The following USP28 variants were observed in gnomAD, a reference collection of about 807,000 sequenced individuals.
The protein encoded by USP28 is ubiquitin carboxyl-terminal hydrolase 28.
In USP28, 113 loss-of-function variants were observed where a neutral mutation model predicts 145.0. The observed-to-expected ratio is 0.78, with a 90% CI of 0.67 to 0.91. USP28 has a LOEUF of 0.91. Among genes scored for constraint, USP28 ranks in the 40% least tolerant of loss-of-function variants. The pLI is 0.00. For missense variants in USP28, 1,201 were observed against 1,289.6 expected (o/e 0.93, Z 1.05); for synonymous variants, 447 against 450.9 (o/e 0.99, Z 0.11).
chr11:113,798,943 G>A (rs550479550), exon 25 of USP28: 1 of 195,974 alleles, frequency 5.1e-6, no homozygotes, highest in Admixed American at 6.0e-5. Context: ...AAAGTGGCAA[G>A]AGGCTTAGAA....
chr11:113,846,065 G>A (rs1402935646), intron 3 of USP28, among the ~76,000 whole-genome samples: 3 of 152,194 alleles, frequency 2.0e-5, no homozygotes, highest in Non-Finnish European at 4.4e-5. Context: ...CATGAAGTCT[G>A]AAGACATTGG....
intron 3 of USP28, among the ~76,000 whole-genome samples, chr11:113,850,927 A>G (rs886238135): frequency 3.3e-5 from 5 of 152,172 alleles, no homozygotes; most frequent in African/African-American, 1.2e-4. Context: ...GGCATTTCAA[A>G]TTTAGTATTC....
rs753199949 is a variant in USP28 at position 113,840,761 on chromosome 11, T to TCTCTTCC, written c.375-5_375-4insGGAAGAG. 2.6e-4 allele frequency: 420 copies of TCTCTTCC among 1,613,254 alleles called. No homozygotes were observed. In the African/African-American group the frequency reaches 5.1e-3, roughly 19 times the overall value. ...TGCAGAGGTTGCTTCATGCATCCTA[T>TCTCTTCC]ATTGTGCAGCGTGCCACACAGCAAA... On this transcript the variant is annotated splice_polypyrimidine_tract_variant and splice_region_variant and intron_variant, in intron 4 of 24. Coordinates refer to ENST00000003302, the Ensembl canonical transcript of USP28.
chr11:113,841,397 T>C (rs1330746176), intron 4 of USP28, among the ~76,000 whole-genome samples: 2 of 152,254 alleles, frequency 1.3e-5, no homozygotes, highest in African/African-American at 4.8e-5. Flanking sequence ...ATACCTGGAC[T>C]AGGTTGTTTT....
chr11:113,804,807 A>G, intron 20 of USP28, 56 bp from the exon 22 acceptor site: 2 of 1,611,602 alleles, frequency 1.2e-6, no homozygotes, highest in Non-Finnish European at 1.7e-6. Context: ...AACTTCCCCA[A>G]CAGAGGAGTC....
intron 1 of USP28, chr11:113,874,908 G>C (rs1949220777): frequency 2.7e-5 from 27 of 1,001,192 alleles, no homozygotes; most frequent in Non-Finnish European, 3.2e-5. Flanking sequence ...TAATTGGGGA[G>C]GCTGCGCTGT....
exon 5 of USP28, chr11:113,840,675 C>T (rs1482250792): frequency 6.2e-7 from 1 of 1,614,220 alleles, no homozygotes; most frequent in Non-Finnish European, 8.5e-7. Context: ...CTCCTCCAGT[C>T]ATTGGGATTG....
intron 12 of USP28, among the ~76,000 whole-genome samples, chr11:113,823,255 A>C (rs1397247138): frequency 6.6e-6 from 1 of 152,244 alleles, no homozygotes; most frequent in Non-Finnish European, 1.5e-5. Flanking sequence ...CTGCTTTTCC[A>C]AAAGTGGACG....
At chr11:113,856,142 T>C (rs771078453) in intron 1 of USP28, among the ~76,000 whole-genome samples, 2 of 152,226 alleles carry the variant, frequency 1.3e-5, no homozygotes, top group African/African-American at 4.8e-5. Context: ...ATGTAATTTT[T>C]AGAAAAATTA....
rs759439077 is a variant in USP28, at chr11:113,834,291, A to G, written c.579T>C (p.Tyr193=). 9.9e-6 allele frequency: 16 copies of G among 1,612,482 alleles called. No individual in the cohort carries two copies. In the South Asian group the frequency reaches 1.5e-4, roughly 16 times the overall value. Residue 193 remains tyrosine, a synonymous_variant, in exon 6 of 25, where the codon TAT becomes TAC. Coordinates refer to ENST00000003302, the Ensembl canonical transcript of USP28. Reference sequence around the variant, plus strand: ...TTTCAAGTACATTTTGTGGCAGACTATAACTGAGAACAAGTCTTCGAAATT... The same window carrying G: ...TTTCAAGTACATTTTGTGGCAGACTGTAACTGAGAACAAGTCTTCGAAATT...
At chr11:113,856,282 G>A (rs1451634545) in intron 1 of USP28, among the ~76,000 whole-genome samples, 1 of 152,068 alleles carries the variant, frequency 6.6e-6, no homozygotes, top group Non-Finnish European at 1.5e-5. Context: ...CCAAAAAAGG[G>A]TGGAATAATC....
rs748616819 is a variant in USP28 at position 113,831,996 on chromosome 11, A to G, written c.760-3T>C. On this transcript the variant is annotated splice_region_variant and splice_polypyrimidine_tract_variant and intron_variant, in intron 7 of 24. Coordinates refer to ENST00000003302, the Ensembl canonical transcript of USP28. ...TGTGTGAATTCACTCACATCTTGCTATAAGAGAGGCACAAATTGCATAAAA... is the reference window on the plus strand; with the variant it reads ...TGTGTGAATTCACTCACATCTTGCTGTAAGAGAGGCACAAATTGCATAAAA... 17 of 1,611,806 alleles carry G rather than the reference A, an allele frequency of 1.1e-5. No individual in the cohort carries two copies. Among genetic ancestry groups the G allele is most frequent in the East Asian group, 2.2e-5 (1 of 44,894 alleles).
chr11:113,858,231 CCAA>C (rs1374284798), intron 1 of USP28, among the ~76,000 whole-genome samples: 4 of 152,110 alleles, frequency 2.6e-5, no homozygotes, highest in African/African-American at 9.7e-5. Flanking sequence ...TTGTATAGCT[CCAA>C]CAACAATGTT....
intron 13 of USP28, among the ~76,000 whole-genome samples, chr11:113,816,519 C>A (rs1256842021): frequency 6.6e-6 from 1 of 151,654 alleles, no homozygotes; most frequent in Non-Finnish European, 1.5e-5. Flanking sequence ...CTCAAAAAAA[C>A]AAACAAACAA....
intron 1 of USP28, among the ~76,000 whole-genome samples, chr11:113,862,029 C>T (rs765635922): frequency 1.3e-5 from 2 of 152,138 alleles, no homozygotes; most frequent in African/African-American, 4.8e-5. Context: ...GCTGGGTCTT[C>T]GTGTGTAGTT....
At chr11:113,804,833 A>G in intron 20 of USP28, 35 bp downstream of exon 21, 3 of 1,611,654 alleles carry the variant, frequency 1.9e-6, no homozygotes, top group Non-Finnish European at 2.5e-6. Context: ...AGCCCAACCC[A>G]GACCAAGGGA....
At chr11:113,826,375 G>T (rs1195581024) in intron 11 of USP28, among the ~76,000 whole-genome samples, 7 of 111,624 alleles carry the variant, frequency 6.3e-5, no homozygotes, top group Non-Finnish European at 1.2e-4. Context: ...TTGAGACAGG[G>T]TCTCACTCTG....
intron 3 of USP28, among the ~76,000 whole-genome samples, chr11:113,847,511 T>C (rs193118563): frequency 6.6e-6 from 1 of 152,242 alleles, no homozygotes; most frequent in East Asian, 1.9e-4. Flanking sequence ...ACTTCAAACA[T>C]ACTTAATGTT....
At position 113,808,833 on chromosome 11, in the gene USP28, C is replaced by T. The variant is rs142600970; in HGVS notation, c.2164+230G>A. Among the ~76,000 whole-genome samples the T allele has an allele frequency of 3.7e-3, 568 of 152,352 alleles. 14 individuals are homozygous for T. The highest frequency in any genetic ancestry group is 8.7e-4 in the Non-Finnish European group (59 of 68,034). On this transcript the variant is annotated intron_variant, in intron 17 of 24. Transcript: ENST00000003302. The stretch of plus-strand genomic sequence containing the variant: ...CCTGGGAAATAAGCAAAACTATATA[C>T]ACAGTGAAGGTCACAGGTAGTTAGT...
Sources: allele counts gnomAD v4.1 joint callset (sites outside exome capture counted in the v4.1 genomes callset), GRCh38; gene constraint gnomAD v4.1.1; transcripts MANE v1.5; gene names NCBI Gene and HGNC (gene_info 2026-07-23, HGNC 2026-07-21).